CDKL5: variants seen among roughly 807,000 people sequenced by gnomAD.
CDKL5 encodes cyclin-dependent kinase-like 5.
A neutral mutation model predicts 61.7 loss-of-function variants in CDKL5; 8 were observed. The ratio of observed to expected loss-of-function variants is 0.13; its 90% confidence interval spans 0.08 to 0.23. The LOEUF is 0.23. Among genes scored for constraint, CDKL5 ranks in the 10% least tolerant of loss-of-function variants. The probability of loss-of-function intolerance (pLI) is 1.00; values close to 1 mark genes in which losing one functional copy is unlikely to be tolerated. For synonymous variants in CDKL5, 275 were observed against 272.3 expected (o/e 1.01, Z -0.10); for missense variants, 440 against 734.5 (o/e 0.60, Z 4.63).
intron 4 of CDKL5, among the ~76,000 whole-genome samples, chrX:18,574,076 A>G (rs1449995154): frequency 9.1e-6 from 1 of 110,191 alleles, no homozygotes; most frequent in Non-Finnish European, 1.9e-5. Context: ...CTATCTCCAC[A>G]CTCCATTTTC....
intron 1 of CDKL5, among the ~76,000 whole-genome samples, chrX:18,500,408 A>G (rs1232582871): frequency 8.9e-6 from 1 of 111,944 alleles, no homozygotes; most frequent in East Asian, 2.8e-4. Flanking sequence ...CTTGATCTCT[A>G]ACGATTTCAA....
chrX:18,620,671 C>A (rs1270724143), intron 16 of CDKL5, among the ~76,000 whole-genome samples: 1 of 111,638 alleles, frequency 9.0e-6, no homozygotes. Context: ...AGGAGTAGTT[C>A]TTCCCCTAGA....
chrX:18,555,811 C>G (rs1208488712), intron 3 of CDKL5, among the ~76,000 whole-genome samples: 1 of 112,238 alleles, frequency 8.9e-6, no homozygotes, highest in Non-Finnish European at 1.9e-5. Flanking sequence ...TTACATAAAG[C>G]AGAGGTCCAA....
chrX:18,429,830 G>A (rs930838516), intron 1 of CDKL5, among the ~76,000 whole-genome samples: 3 of 111,388 alleles, frequency 2.7e-5, no homozygotes, highest in African/African-American at 9.8e-5. Context: ...TAGAGGCGGG[G>A]TCTCATGATG....
At chrX:18,527,646 T>G (rs2147106775) in intron 3 of CDKL5, among the ~76,000 whole-genome samples, 1 of 111,775 alleles carries the variant, frequency 8.9e-6, no homozygotes, top group South Asian at 3.7e-4. Context: ...GCTAGAGGTT[T>G]ATCAGCTTTA....
At position 18,633,835 on chromosome X, in the gene CDKL5, T is replaced by C; in HGVS notation, c.*5078T>C. ...AGGCTTGGTCCTGGCTCCACCTTTC[T>C]CCTCTCCGGGCACTGACCCCACCTT... On this transcript the variant is annotated 3_prime_UTR_variant, in exon 18 of 18. Transcript: ENST00000623535. The C allele has an allele frequency of 1.3e-6, 1 of 754,191 alleles. No individual in the cohort carries two copies. Among genetic ancestry groups the C allele is most frequent in the Non-Finnish European group, 1.6e-6 (1 of 639,319 alleles). 62.2% of individuals were successfully genotyped at this position (754,191 alleles called of 1,213,427 possible). A position where few individuals can be genotyped will look rare whatever the true frequency, so the allele number is the denominator to read the frequency against.
chrX:18,574,009 G>A (rs1221652788), intron 4 of CDKL5, among the ~76,000 whole-genome samples: 1 of 110,969 alleles, frequency 9.0e-6, no homozygotes, highest in Non-Finnish European at 1.9e-5. Context: ...TTCCTCCTGC[G>A]TGCCTTGGTT....
intron 15 of CDKL5, among the ~76,000 whole-genome samples, chrX:18,615,633 G>C (rs1374422010): frequency 9.0e-6 from 1 of 111,444 alleles, no homozygotes; most frequent in African/African-American, 3.3e-5. Flanking sequence ...GCTCAGGCTG[G>C]ACTCCAGCTC....
At chrX:18,612,653 T>TAAA (rs745865761) in intron 14 of CDKL5, among the ~76,000 whole-genome samples, 1 of 91,764 alleles carries the variant, frequency 1.1e-5, no homozygotes, top group African/African-American at 4.1e-5. Context: ...GTCTCTTATT[T>TAAA]AAAAAAAAAA....
intron 12 of CDKL5, among the ~76,000 whole-genome samples, chrX:18,607,148 G>A (rs1569220433): frequency 9.0e-6 from 1 of 111,570 alleles, no homozygotes; most frequent in African/African-American, 3.3e-5. Context: ...CTTGCCACTG[G>A]TGTCTTGCGG....
intron 2 of CDKL5, 36 bp from the exon 3 acceptor site, chrX:18,510,784 T>C: frequency 8.7e-7 from 1 of 1,144,697 alleles, no homozygotes; most frequent in Non-Finnish European, 1.2e-6. Context: ...GTAGTTTGTA[T>C]GCGTGCCCTT....
At chrX:18,553,660 T>A (rs1030822323) in intron 3 of CDKL5, among the ~76,000 whole-genome samples, 6 of 110,865 alleles carry the variant, frequency 5.4e-5, no homozygotes, top group Non-Finnish European at 1.9e-5. Flanking sequence ...GCTGGGCTAA[T>A]TTTTTTGTAT....
At chrX:18,473,899 CTTT>C (rs202083135) in intron 1 of CDKL5, among the ~76,000 whole-genome samples, 1 of 96,183 alleles carries the variant, frequency 1.0e-5, no homozygotes. Flanking sequence ...AACTTCGGTT[CTTT>C]TTTTTTTTTT....
chrX:18,551,014 C>T (rs774531788), intron 3 of CDKL5, among the ~76,000 whole-genome samples: 1 of 111,836 alleles, frequency 8.9e-6, no homozygotes, highest in Admixed American at 9.4e-5. Flanking sequence ...TTTATATGAT[C>T]TATAAGTATG....
intron 1 of CDKL5, among the ~76,000 whole-genome samples, chrX:18,433,208 A>C (rs1931535936): frequency 9.4e-6 from 1 of 105,927 alleles, no homozygotes; most frequent in Admixed American, 1.0e-4. Context: ...AGCCTGGGCA[A>C]CAGGAGTGAA....
chrX:18,590,803 GAAGA>G (rs1422191764), intron 9 of CDKL5, among the ~76,000 whole-genome samples: 1 of 111,600 alleles, frequency 9.0e-6, no homozygotes, highest in Non-Finnish European at 1.9e-5. Flanking sequence ...CCCCAGTCTA[GAAGA>G]AAGAAAAATC....
chrX:18,462,078 G>GT (rs1348058847), intron 1 of CDKL5, among the ~76,000 whole-genome samples: 19 of 105,691 alleles, frequency 1.8e-4, no homozygotes, highest in Non-Finnish European at 3.3e-4. Flanking sequence ...TTTTTTTTGC[G>GT]GTTTTTTTTT....
At chrX:18,598,316 C>CTTTTTT in intron 10 of CDKL5, 146 bp from the exon 11 acceptor site, 2 of 378,659 alleles carry the variant, frequency 5.3e-6, no homozygotes, top group Non-Finnish European at 4.6e-6. Flanking sequence ...TTTAGATAGT[C>CTTTTTT]TTTTTTTTTT....
At chrX:18,621,179 A>T (rs1926877316) in intron 16 of CDKL5, among the ~76,000 whole-genome samples, 1 of 112,212 alleles carries the variant, frequency 8.9e-6, no homozygotes, top group African/African-American at 3.2e-5. Flanking sequence ...GATTAGACCC[A>T]GTGTTTCTGA....
Sources: allele counts gnomAD v4.1 joint callset (sites outside exome capture counted in the v4.1 genomes callset), GRCh38; gene constraint gnomAD v4.1.1; transcripts MANE v1.5; gene names NCBI Gene and HGNC (gene_info 2026-07-23, HGNC 2026-07-21).